Variants in ARHGEF3 observed in about 807,000 individuals in gnomAD.
ARHGEF3 encodes 59.8 kDA protein.
A neutral mutation model predicts 63.2 loss-of-function variants in ARHGEF3; 28 were observed. That is an observed-to-expected ratio of 0.44 (90% CI 0.33 to 0.61). The LOEUF (loss-of-function observed/expected upper bound fraction) is 0.61, where lower values mean the gene tolerates loss of function less well. Ranked by LOEUF, ARHGEF3 falls within the 20% of genes least tolerant of loss-of-function variation. The pLI is 0.03. For missense variants in ARHGEF3, 533 were observed against 659.3 expected, an observed-to-expected ratio of 0.81 and a Z score of 2.10; for synonymous variants, 266 against 254.2, an observed-to-expected ratio of 1.05 and a Z score of -0.44.
chr3:57,067,411 C>T (rs920176271), intron 1 of ARHGEF3, among the ~76,000 whole-genome samples: 8 of 150,600 alleles, frequency 5.3e-5, no homozygotes, highest in South Asian at 2.1e-4. Flanking sequence ...GCCAAGATTG[C>T]GCCACTGCAC....
At chr3:56,781,255 T>C (rs1415886731) in intron 1 of ARHGEF3, among the ~76,000 whole-genome samples, 1 of 151,770 alleles carries the variant, frequency 6.6e-6, no homozygotes. Context: ...TTTTTTTTTT[T>C]TTCTTTTTTT....
chr3:57,026,266 T>C (rs1335046807), intron 2 of ARHGEF3, among the ~76,000 whole-genome samples: 1 of 152,092 alleles, frequency 6.6e-6, no homozygotes, highest in Non-Finnish European at 1.5e-5. Context: ...CCAGGTGTGG[T>C]GGTGCAAGCC....
chr3:57,066,217 A>G (rs1705526196), intron 1 of ARHGEF3, among the ~76,000 whole-genome samples: 1 of 151,724 alleles, frequency 6.6e-6, no homozygotes, highest in South Asian at 2.1e-4. Flanking sequence ...ATGTTCTCCT[A>G]TCTGTACCAA....
intron 1 of ARHGEF3, among the ~76,000 whole-genome samples, chr3:57,054,631 C>T (rs1021290826): frequency 2.0e-5 from 3 of 149,124 alleles, no homozygotes; most frequent in Non-Finnish European, 3.0e-5. Context: ...AGAGTGAGAC[C>T]CCATCTCAAA....
chr3:56,871,117 G>T (rs942561487), intron 4 of ARHGEF3, among the ~76,000 whole-genome samples: 2 of 152,132 alleles, frequency 1.3e-5, no homozygotes, highest in African/African-American at 4.8e-5. Flanking sequence ...GCATGGTAGA[G>T]TCACTGTTAG....
At chr3:56,946,425 G>C (rs186861425) in intron 3 of ARHGEF3, among the ~76,000 whole-genome samples, 168 of 152,272 alleles carry the variant, frequency 1.1e-3, no homozygotes, top group Non-Finnish European at 2.1e-3. Flanking sequence ...ATGCAGAGAA[G>C]TCCTTAAAGG....
intron 7 of ARHGEF3, among the ~76,000 whole-genome samples, chr3:56,741,254 C>T (rs1365706248): frequency 2.0e-5 from 3 of 147,144 alleles, no homozygotes; most frequent in East Asian, 4.0e-4. Flanking sequence ...GGCGCAATCT[C>T]GGCTCACTGC....
In ARHGEF3 at chr3:56,842,837, G is replaced by A. The variant is rs535876256; in HGVS notation, c.192+39455C>T. 3.4e-3 allele frequency among the ~76,000 whole-genome samples: 513 copies of A among 152,266 alleles called. 4 individuals carry two copies. Among genetic ancestry groups the A allele is most frequent in the African/African-American group, 0.012 (479 of 41,568 alleles). On this transcript the variant is annotated intron_variant, in intron 4 of 12. Coordinates refer to the ARHGEF3 transcript ENST00000338458. ...CCCAGCTGACACAGAAATCTCTGGA[G>A]GAAAAAGCCATCTTGGTGACATAGT...
chr3:56,906,975 ATTTTT>A (rs368006965), intron 3 of ARHGEF3, among the ~76,000 whole-genome samples: 28 of 72,372 alleles, frequency 3.9e-4, no homozygotes, highest in South Asian at 1.1e-3. Flanking sequence ...CTCACATTCT[ATTTTT>A]TTTTTTTTTT....
chr3:56,733,958 T>C (rs897011020), intron 8 of ARHGEF3, among the ~76,000 whole-genome samples: 1 of 121,018 alleles, frequency 8.3e-6, no homozygotes, highest in Non-Finnish European at 1.6e-5. Context: ...CACTCCAGTC[T>C]GGGCGACAAA....
intron 3 of ARHGEF3, among the ~76,000 whole-genome samples, chr3:56,906,009 C>A (rs191682028): frequency 6.6e-6 from 1 of 152,038 alleles, no homozygotes; most frequent in East Asian, 1.9e-4. Context: ...GGATTACAGG[C>A]GCCTGCCACC....
At chr3:56,811,003 C>T (rs1044045394) in intron 4 of ARHGEF3, among the ~76,000 whole-genome samples, 6 of 152,220 alleles carry the variant, frequency 3.9e-5, no homozygotes, top group Admixed American at 2.0e-4. Context: ...AGCCCAATGG[C>T]TGTAGCATCA....
At chr3:56,753,119 T>C (rs1262979488) in intron 4 of ARHGEF3, among the ~76,000 whole-genome samples, 2 of 152,258 alleles carry the variant, frequency 1.3e-5, no homozygotes, top group Non-Finnish European at 2.9e-5. Context: ...TATTCACTTT[T>C]GAGATTCAAA....
chr3:56,858,889 T>C (rs539103280), intron 4 of ARHGEF3, among the ~76,000 whole-genome samples: 142 of 152,356 alleles, frequency 9.3e-4, no homozygotes, highest in Middle Eastern at 6.8e-3. Flanking sequence ...CATTTTATTT[T>C]AAGTCAGGGA....
At chr3:56,914,093 A>G (rs1292233276) in intron 3 of ARHGEF3, among the ~76,000 whole-genome samples, 1 of 152,208 alleles carries the variant, frequency 6.6e-6, no homozygotes, top group Non-Finnish European at 1.5e-5. Context: ...GCAAAGGCAT[A>G]AGAATGATAT....
chr3:56,916,973 G>A (rs888155245), intron 3 of ARHGEF3, among the ~76,000 whole-genome samples: 3 of 152,100 alleles, frequency 2.0e-5, no homozygotes, highest in African/African-American at 7.2e-5. Context: ...AGCTGCTTCT[G>A]GAAACCTCCC....
At chr3:56,775,759 C>T in intron 1 of ARHGEF3, 1 of 812,172 alleles carries the variant, frequency 1.2e-6, no homozygotes, top group Non-Finnish European at 1.5e-6. Context: ...GTCAGAGCTG[C>T]ACCACTAGCG....
intron 4 of ARHGEF3, among the ~76,000 whole-genome samples, chr3:56,851,870 A>G (rs1023271941): frequency 6.6e-6 from 1 of 152,148 alleles, no homozygotes; most frequent in African/African-American, 2.4e-5. Context: ...CAGCCTCCCA[A>G]AGGGCTGCAA....
chr3:56,934,157 T>C (rs1320221438), intron 3 of ARHGEF3, among the ~76,000 whole-genome samples: 1 of 152,266 alleles, frequency 6.6e-6, no homozygotes, highest in African/African-American at 2.4e-5. Context: ...TACATGGATA[T>C]AGTCCTCACA....
Sources: gnomAD v4.1 joint callset for allele counts (sites outside exome capture counted in the v4.1 genomes callset) on GRCh38, gnomAD v4.1.1 for gene constraint, MANE v1.5 for transcripts, NCBI Gene and HGNC (gene_info 2026-07-23, HGNC 2026-07-21) for gene names.